Variants in GNAO1 observed in about 807,000 individuals in gnomAD.
GNAO1 encodes G protein subunit alpha o1, also known as guanine nucleotide-binding protein G(o) subunit alpha.
For missense variants in GNAO1, 166 were observed against 478.7 expected (o/e 0.35, Z 6.10); for synonymous variants, 164 against 180.7 (o/e 0.91, Z 0.74).
chr16:56,328,330 T>C (rs1202648608), intron 3 of GNAO1, among the ~76,000 whole-genome samples: 1 of 150,746 alleles, frequency 6.6e-6, no homozygotes, highest in East Asian at 2.0e-4. Context: ...AGTTGGAGAG[T>C]GGAGAACAGA....
At chr16:56,350,343 A>G (rs2037909001) in intron 6 of GNAO1, among the ~76,000 whole-genome samples, 2 of 152,182 alleles carry the variant, frequency 1.3e-5, no homozygotes, top group Admixed American at 6.5e-5. Context: ...GGGCTAGGAC[A>G]GGGTTCTTGG....
chr16:56,261,390 C>T (rs1399103774), intron 2 of GNAO1, among the ~76,000 whole-genome samples: 1 of 152,214 alleles, frequency 6.6e-6, no homozygotes, highest in Non-Finnish European at 1.5e-5. Context: ...AAGCAGCCTG[C>T]ACTGGAGAAT....
chr16:56,194,807 T>C (rs187560691), intron 2 of GNAO1, among the ~76,000 whole-genome samples: 2 of 152,316 alleles, frequency 1.3e-5, no homozygotes, highest in Admixed American at 1.3e-4. Context: ...TAAAAATATA[T>C]ACTGAATCCC....
At chr16:56,211,273 G>A (rs1372556082) in intron 2 of GNAO1, among the ~76,000 whole-genome samples, 1 of 152,238 alleles carries the variant, frequency 6.6e-6, no homozygotes, top group Non-Finnish European at 1.5e-5. Context: ...GTAAGATTCA[G>A]AGAGATGATG....
intron 2 of GNAO1, among the ~76,000 whole-genome samples, chr16:56,221,911 A>G (rs1206812172): frequency 6.6e-6 from 1 of 152,140 alleles, no homozygotes; most frequent in African/African-American, 2.4e-5. Context: ...CCAGCACCAG[A>G]GCCAGTAATG....
chr16:56,281,151 A>G (rs1227762618), intron 3 of GNAO1, among the ~76,000 whole-genome samples: 2 of 152,186 alleles, frequency 1.3e-5, no homozygotes, highest in Non-Finnish European at 2.9e-5. Context: ...ATATGTATAC[A>G]GTGTAGACAT....
intron 2 of GNAO1, chr16:56,193,918 C>G (rs1443904688): frequency 5.6e-6 from 2 of 357,988 alleles, no homozygotes; most frequent in Non-Finnish European, 1.1e-5. Context: ...GATTATTTTT[C>G]AACTTGACAC....
chr16:56,348,024 G>T, intron 6 of GNAO1: 1 of 980,708 alleles, frequency 1.0e-6, no homozygotes, highest in Non-Finnish European at 1.2e-6. Flanking sequence ...CGTCTCTCTC[G>T]AGTGCAGTGG....
At chr16:56,216,074 G>T (rs1473895593) in intron 2 of GNAO1, among the ~76,000 whole-genome samples, 4 of 152,112 alleles carry the variant, frequency 2.6e-5, no homozygotes, top group Non-Finnish European at 4.4e-5. Context: ...TGGGTGGCAG[G>T]GTTGTAGTGC....
chr16:56,222,889 G>T (rs2036504012), intron 2 of GNAO1, among the ~76,000 whole-genome samples: 1 of 152,150 alleles, frequency 6.6e-6, no homozygotes, highest in South Asian at 2.1e-4. Context: ...CCCAGGCATG[G>T]TGCCTGATAT....
intron 3 of GNAO1, among the ~76,000 whole-genome samples, chr16:56,299,867 C>T (rs1288657795): frequency 1.3e-5 from 2 of 152,142 alleles, no homozygotes; most frequent in African/African-American, 4.8e-5. Flanking sequence ...ACCTGGGGGT[C>T]CAGAGGCAGC....
chr16:56,238,998 A>T (rs973644811), intron 2 of GNAO1, among the ~76,000 whole-genome samples: 1 of 152,216 alleles, frequency 6.6e-6, no homozygotes, highest in African/African-American at 2.4e-5. Context: ...ATATGATTGC[A>T]TATCACTTTA....
chr16:56,230,462 G>T (rs1455664417), intron 2 of GNAO1, among the ~76,000 whole-genome samples: 1 of 152,216 alleles, frequency 6.6e-6, no homozygotes, highest in Non-Finnish European at 1.5e-5. Flanking sequence ...CTCTCCAGCA[G>T]ATTTTATAGC....
At chr16:56,232,785 G>A (rs910237041) in intron 2 of GNAO1, among the ~76,000 whole-genome samples, 4 of 152,198 alleles carry the variant, frequency 2.6e-5, no homozygotes, top group African/African-American at 7.2e-5. Flanking sequence ...CTCAAAAGGG[G>A]TTGGGGTGAA....
At chr16:56,248,773 A>G (rs564381339) in intron 2 of GNAO1, among the ~76,000 whole-genome samples, 12 of 152,310 alleles carry the variant, frequency 7.9e-5, no homozygotes, top group African/African-American at 2.4e-4. Context: ...AGAAGCCTCT[A>G]TGGCGGGAGG....
chr16:56,320,224 G>A (rs192564494), intron 3 of GNAO1, among the ~76,000 whole-genome samples: 83 of 152,134 alleles, frequency 5.5e-4, no homozygotes, highest in African/African-American at 1.6e-3. Context: ...TCCTCCTCCC[G>A]TGTGCCCAAT....
intron 3 of GNAO1, among the ~76,000 whole-genome samples, chr16:56,313,719 A>G (rs979770303): frequency 1.3e-5 from 2 of 152,174 alleles, no homozygotes. Context: ...AAGTATATCA[A>G]TGACCCTTCT....
In GNAO1 at chr16:56,354,243, C is replaced by T. The variant is rs1238900117; in HGVS notation, c.878-623C>T. 6.6e-6 allele frequency among the ~76,000 whole-genome samples: 1 copy of T among 152,262 alleles called. No individual in the cohort carries two copies. Among genetic ancestry groups the T allele is most frequent in the East Asian group, 1.9e-4 (1 of 5,200 alleles). Reference sequence around the variant, plus strand: ...AAGCAAAAGCGTTCATCTGTGGCCACTGCTGTCCCAGGCGGGGCTTCCGGG... The same window carrying T: ...AAGCAAAAGCGTTCATCTGTGGCCATTGCTGTCCCAGGCGGGGCTTCCGGG... On this transcript the variant is annotated intron_variant, in intron 7 of 8. Coordinates refer to ENST00000262493, the MANE Select transcript of GNAO1 (RefSeq NM_020988.3). The surrounding 1 kb of genome is among the most constrained non-coding windows in gnomAD (Gnocchi z 4.3).
chr16:56,351,548 G>C lies in GNAO1; in HGVS notation c.877+11G>C. Reference sequence around the variant, plus strand: ...TTCCTGAATACACAGGTGGGTGCCAGGCAGTCCTGTGCAGGGGGAAGCCTG... The same window carrying C: ...TTCCTGAATACACAGGTGGGTGCCACGCAGTCCTGTGCAGGGGGAAGCCTG... On this transcript the variant is annotated intron_variant, in intron 7 of 8. Transcript: ENST00000262493. This position sits in a 1 kb window ranked among gnomAD's most constrained non-coding sequence, Gnocchi z 6.1. The C allele has an allele frequency of 6.2e-7, 1 of 1,608,058 alleles. No individual in the cohort carries two copies. Among genetic ancestry groups the C allele is most frequent in the Non-Finnish European group, 8.5e-7 (1 of 1,177,306 alleles).
Sources: allele counts gnomAD v4.1 joint callset (sites outside exome capture counted in the v4.1 genomes callset), GRCh38; gene constraint gnomAD v4.1.1; non-coding constraint Gnocchi (gnomAD v3.1); transcripts MANE v1.5; gene names NCBI Gene and HGNC (gene_info 2026-07-23, HGNC 2026-07-21).